SLC16A8: variants seen among roughly 807,000 people sequenced by gnomAD.
SLC16A8 encodes solute carrier family 16 member 8, also known as monocarboxylate transporter 3.
SLC16A8 carries 20 observed loss-of-function variants against 22.4 expected under a neutral mutation model. That is an observed-to-expected ratio of 0.89 (90% confidence interval 0.63 to 1.30). The LOEUF (loss-of-function observed/expected upper bound fraction) is 1.30. Among genes scored for constraint, SLC16A8 ranks in the 50% most tolerant of loss-of-function variants. SLC16A8 has a pLI of 0.00. For missense variants in SLC16A8, 817 were observed against 740.3 expected (o/e 1.10, Z -1.20); for synonymous variants, 393 against 358.8 (o/e 1.10, Z -1.08).
At position 38,084,178 on chromosome 22, in the gene SLC16A8, AGT is replaced by A. The variant is rs2085966446; in HGVS notation, c.-521_-520del. 6.6e-6 allele frequency: 1 copy of A among 152,184 alleles called. No homozygotes were observed. Among genetic ancestry groups the A allele is most frequent in the African/African-American group, 2.4e-5 (1 of 41,390 alleles). The allele number at this position is 152,184 out of a possible 1,614,324, so 9.4% of individuals were successfully genotyped here. Reference sequence around the variant, plus strand: ...TCCCTGCCCCAGGCCTGGAGCTTAGAGTGTGTGCCCCCACCACACCTCACCCC... The same window carrying A: ...TCCCTGCCCCAGGCCTGGAGCTTAGAGTGTGCCCCCACCACACCTCACCCC... On this transcript the variant is annotated 5_prime_UTR_variant, in exon 1 of 6. Transcript: ENST00000681075.
chr22:38,080,965 C>T lies in SLC16A8; in HGVS notation c.1073G>A (p.Gly358Asp). The stretch of plus-strand genomic sequence containing the variant: ...CTCGAACTGCAGCGCGCCCACCATG[C>T]CGTAGGAGAGGCCGAAGGCGACGCA... ...AFCVAFGLSY[G>D]MVGALQFEVL... is the part of the protein sequence containing the mutation. Residue 358 changes from glycine (G) to aspartate (D), a missense_variant, in exon 5 of 6, where the codon GGC (glycine) becomes GAC (aspartate). Physicochemically the swap from Gly to Asp is moderately conservative, Grantham distance 94. Coordinates refer to ENST00000681075, the MANE Select transcript of SLC16A8 (RefSeq NM_013356.3). The T allele has an allele frequency of 1.3e-6, 2 of 1,595,936 alleles. No homozygotes were observed. Among genetic ancestry groups the T allele is most frequent in the Non-Finnish European group, 1.7e-6 (2 of 1,176,470 alleles).
In SLC16A8 at chr22:38,078,623, A is replaced by T; in HGVS notation, c.1280T>A (p.Met427Lys). The change falls in exon 6 of 6, where the codon ATG becomes AAG. Residue 427 changes from methionine to lysine, a missense_variant. Physicochemically the swap from Met to Lys is moderately conservative, Grantham distance 95 (BLOSUM62 -1). Transcript: ENST00000681075. ...GSEVALAGVF[M>K]AVATNCCLRC... Reference sequence around the variant, plus strand: ...CAGGCAGCAGTTGGTGGCGACAGCCATGAAGACCCCAGCCAGGGCCACCTC... The same window carrying T: ...CAGGCAGCAGTTGGTGGCGACAGCCTTGAAGACCCCAGCCAGGGCCACCTC... 2 of 1,614,052 alleles carry T rather than the reference A, an allele frequency of 1.2e-6. No individual in the cohort carries two copies. The highest frequency in any genetic ancestry group is 1.7e-6 in the Non-Finnish European group (2 of 1,179,920).
rs986896983 is a variant in SLC16A8, at chr22:38,081,239, G to C, written c.799C>G (p.Leu267Val). ...AVTKFLMALG[L>V]FVPAILLVNY... ...ACCAGCAGGATGGCGGGGACGAAGAGCCCGAGCGCCATCAGGAACTTGGTG... is the reference window on the plus strand; with the variant it reads ...ACCAGCAGGATGGCGGGGACGAAGACCCCGAGCGCCATCAGGAACTTGGTG... The change falls in exon 5 of 6, where the codon CTC becomes GTC. Residue 267 changes from leucine (L) to valine (V), a missense_variant. Leu to Val is a conservative substitution (Grantham distance 32). Transcript: ENST00000681075. 5 of 1,582,930 alleles carry C rather than the reference G, an allele frequency of 3.2e-6. No individual in the cohort carries two copies. Among genetic ancestry groups the C allele is most frequent in the Admixed American group, 1.8e-5 (1 of 56,544 alleles).
rs1256027044 is a variant in SLC16A8 at position 38,081,620 on chromosome 22, G to T, written c.418C>A (p.Arg140=). ...SLIMLGLYFE[R]RRPLANGLAA... ...AGCCCGTTGGCCAGAGGCCGCCGCCGCTCGAAGTACAGCCCCAGCATGATG... is the reference window on the plus strand; with the variant it reads ...AGCCCGTTGGCCAGAGGCCGCCGCCTCTCGAAGTACAGCCCCAGCATGATG... The change falls in exon 5 of 6, where the codon CGG becomes AGG. Residue 140 remains arginine, a synonymous_variant. Coordinates refer to ENST00000681075, the MANE Select transcript of SLC16A8 (RefSeq NM_013356.3). 2.0e-6 allele frequency: 3 copies of T among 1,521,506 alleles called. No individual in the cohort carries two copies. Among genetic ancestry groups the T allele is most frequent in the Non-Finnish European group, 2.6e-6 (3 of 1,140,760 alleles). 94.3% of individuals were successfully genotyped at this position (1,521,506 alleles called of 1,614,324 possible).
chr22:38,082,742 G>A lies in SLC16A8; in HGVS notation c.132C>T (p.Arg44=), dbSNP rs764147290. The part of the protein sequence containing the change: ...GFPKAVSVFF[R]ALMRDFDAGY... ...CGGCGTCGAAGTCGCGCATGAGCGC[G>A]CGGAAGAAGACGCTCACGGCTTTGG... Residue 44 remains arginine, a synonymous_variant, in exon 3 of 6, where the codon CGC becomes CGT. Coordinates refer to ENST00000681075, the MANE Select transcript of SLC16A8 (RefSeq NM_013356.3). 2 of 1,592,776 alleles carry A rather than the reference G, an allele frequency of 1.3e-6. No homozygotes were observed. The highest frequency in any genetic ancestry group is 2.3e-5 in the South Asian group (2 of 88,542).
In SLC16A8 at chr22:38,078,455, C is replaced by T. The variant is rs763344401; in HGVS notation, c.1448G>A (p.Ser483Asn). The T allele has an allele frequency of 1.2e-6, 2 of 1,612,272 alleles. No individual in the cohort carries two copies. Among genetic ancestry groups the T allele is most frequent in the Non-Finnish European group, 1.7e-6 (2 of 1,180,000 alleles). ...TGGTTCTGTGGGCTCGCCCCGGGCGCTGAGCACCTCCAGGGCCTCCAGGTT... is the reference window on the plus strand; with the variant it reads ...TGGTTCTGTGGGCTCGCCCCGGGCGTTGAGCACCTCCAGGGCCTCCAGGTT... The part of the protein sequence containing the change: ...PGNLEALEVL[S>N]ARGEPTEPEI... Residue 483 changes from serine (S) to asparagine (N), a missense_variant, in exon 6 of 6, where the codon AGC (serine) becomes AAC (asparagine). Transcript: ENST00000681075.
rs749601602 is a variant in SLC16A8 at position 38,082,007 on chromosome 22, G to T, written c.240C>A (p.Thr80=). The change falls in exon 4 of 6, where the codon ACC becomes ACA. Residue 80 remains threonine, a synonymous_variant. Coordinates refer to ENST00000681075, the MANE Select transcript of SLC16A8 (RefSeq NM_013356.3). The stretch of plus-strand genomic sequence containing the variant: ...GCATCACCGGGCGACAGCCAAAGCG[G>T]GTCACGAGGATGCTGGACACGGGGC... ...GTGPVSSILV[T]RFGCRPVMLA... 6.3e-7 allele frequency: 1 copy of T among 1,579,154 alleles called. No homozygotes were observed. The highest frequency in any genetic ancestry group is 2.3e-5 in the East Asian group (1 of 42,908).
At chr22:38,082,068 G>C in intron 3 of SLC16A8, 36 bp from the exon 4 acceptor site, 1 of 1,546,880 alleles carries the variant, frequency 6.5e-7, no homozygotes, top group Non-Finnish European at 8.7e-7. Flanking sequence ...CGGGTCCCGG[G>C]ATGGCTTGAG....
rs2085942274 is a variant in SLC16A8 at position 38,082,891 on chromosome 22, G to A, written c.-8-10C>T. The A allele has an allele frequency of 1.4e-6, 2 of 1,463,968 alleles. No individual in the cohort carries two copies. The highest frequency in any genetic ancestry group is 1.2e-5 in the South Asian group (1 of 82,264). The allele number at this position is 1,463,968 out of a possible 1,614,324, so 90.7% of individuals were successfully genotyped here. A position where few individuals can be genotyped will look rare whatever the true frequency, so the allele number is the denominator to read the frequency against. On this transcript the variant is annotated splice_polypyrimidine_tract_variant and intron_variant, in intron 2 of 5. Transcript: ENST00000681075. ...GCGCCCATCGCTGCCTCTGTTGGGA[G>A]GGGGCGGGGACAAGAGGGAGGGGCT... is the stretch of plus-strand genomic sequence containing the variant.
At chr22:38,079,431 ATTCTT>A (rs1194701296) in intron 5 of SLC16A8, among the ~76,000 whole-genome samples, 2 of 151,862 alleles carry the variant, frequency 1.3e-5, no homozygotes, top group East Asian at 3.9e-4. Flanking sequence ...GAATTTTCTT[ATTCTT>A]TTGAGACAGG....
rs983325337 is a variant in SLC16A8 at position 38,078,534 on chromosome 22, C to T, written c.1369G>A (p.Ala457Thr). The change falls in exon 6 of 6, where the codon GCT becomes ACT. Residue 457 changes from alanine to threonine, a missense_variant. By Grantham distance (58) the Ala-to-Thr change is moderately conservative. Coordinates refer to ENST00000681075, the MANE Select transcript of SLC16A8 (RefSeq NM_013356.3). Reference sequence around the variant, plus strand: ...GGCTCAGAGTCCCCTTCAGCCTCAGCGTCCTCAGTGTCACTGGCTCCGCCC... The same window carrying T: ...GGCTCAGAGTCCCCTTCAGCCTCAGTGTCCTCAGTGTCACTGGCTCCGCCC... The part of the protein sequence containing the change: ...TEGGASDTED[A>T]EAEGDSEPLP... The T allele has an allele frequency of 1.2e-6, 2 of 1,614,082 alleles. No individual in the cohort carries two copies. Among genetic ancestry groups the T allele is most frequent in the African/African-American group, 1.3e-5 (1 of 74,946 alleles).
rs1273182585 is a variant in SLC16A8 at position 38,084,014 on chromosome 22, T to A, written c.-355A>T. 1 of 152,066 alleles carries A rather than the reference T, an allele frequency of 6.6e-6. No homozygotes were observed. Among genetic ancestry groups the A allele is most frequent in the Non-Finnish European group, 1.5e-5 (1 of 68,082 alleles). The allele number at this position is 152,066 out of a possible 1,614,324, so 9.4% of individuals were successfully genotyped here. On this transcript the variant is annotated 5_prime_UTR_variant, in exon 1 of 6. Coordinates refer to ENST00000681075, the MANE Select transcript of SLC16A8 (RefSeq NM_013356.3). ...TGAGCCTGCCTCGTGGGTTTGGGGG[T>A]CCAGCCTCACATCTCCTGAGGCCTG...
rs758288019 is a variant in SLC16A8, at chr22:38,078,494, G to C, written c.1409C>G (p.Ala470Gly). 1 of 1,614,112 alleles carries C rather than the reference G, an allele frequency of 6.2e-7. No homozygotes were observed. Among genetic ancestry groups the C allele is most frequent in the Admixed American group, 1.7e-5 (1 of 60,034 alleles). ...GGCCTCCAGGTTGCCGGGTTCCTCT[G>C]CAACAACAGGCAGGGGCTCAGAGTC... ...EGDSEPLPVV[A>G]EEPGNLEALE... The change falls in exon 6 of 6, where the codon GCA (alanine) becomes GGA (glycine). Residue 470 changes from alanine (A) to glycine (G), a missense_variant. Transcript: ENST00000681075.
chr22:38,081,731 C>T, intron 4 of SLC16A8, 52 bp from the exon 5 acceptor site: 1 of 1,461,340 alleles, frequency 6.8e-7, no homozygotes. Flanking sequence ...CCTCCCTGGC[C>T]CCCACAGGAG....
chr22:38,082,955 G>T, intron 2 of SLC16A8, 74 bp from the exon 3 acceptor site: 1 of 991,102 alleles, frequency 1.0e-6, no homozygotes, highest in Non-Finnish European at 1.5e-6. Context: ...TGGAGACGAA[G>T]CATGGGGAAA....
Position 38,082,866 on chromosome 22 carries a change from G to T in SLC16A8, c.8C>A (p.Ala3Asp). MG[A>D]GGPRRGEGPP... ...GCCCTCGCCCCGCCGGGGGCCGCCA[G>T]CGCCCATCGCTGCCTCTGTTGGGAG... The change falls in exon 3 of 6, where the codon GCT (alanine) becomes GAT (aspartate). Residue 3 changes from alanine (A) to aspartate (D), a missense_variant. Physicochemically the swap from Ala to Asp is moderately radical, Grantham distance 126. Coordinates refer to ENST00000681075, the MANE Select transcript of SLC16A8 (RefSeq NM_013356.3). 6.5e-7 allele frequency: 1 copy of T among 1,541,486 alleles called. No individual in the cohort carries two copies. The highest frequency in any genetic ancestry group is 8.7e-7 in the Non-Finnish European group (1 of 1,147,844).
At position 38,083,072 on chromosome 22, in the gene SLC16A8, G is replaced by C; in HGVS notation, c.-39C>G. On this transcript the variant is annotated 5_prime_UTR_variant, in exon 2 of 6. Coordinates refer to ENST00000681075, the MANE Select transcript of SLC16A8 (RefSeq NM_013356.3). ...GTCTCCTTCTCCTGCAAAGGGCGCT[G>C]AAGGACGAGGGGAGGACGACGGGTC... is the stretch of plus-strand genomic sequence containing the variant. 1 of 587,480 alleles carries C rather than the reference G, an allele frequency of 1.7e-6. No homozygotes were observed. The highest frequency in any genetic ancestry group is 3.0e-6 in the Non-Finnish European group (1 of 329,172). 36.4% of individuals were successfully genotyped at this position (587,480 alleles called of 1,614,324 possible).
At chr22:38,079,357 T>TCCTCC (rs1303956673) in intron 5 of SLC16A8, among the ~76,000 whole-genome samples, 4 of 152,124 alleles carry the variant, frequency 2.6e-5, no homozygotes, top group East Asian at 3.9e-4. Context: ...GCTCAAGGGA[T>TCCTCC]CCTCCCGACT....
intron 5 of SLC16A8, among the ~76,000 whole-genome samples, chr22:38,079,302 G>T (rs772028644): frequency 8.3e-4 from 127 of 152,140 alleles, no homozygotes; most frequent in Non-Finnish European, 1.3e-3. Context: ...TTTTTTTTAG[G>T]GATGGGGTCT....
Sources: allele counts gnomAD v4.1 joint callset (sites outside exome capture counted in the v4.1 genomes callset), GRCh38; gene constraint gnomAD v4.1.1; transcripts MANE v1.5; gene names NCBI Gene and HGNC (gene_info 2026-07-23, HGNC 2026-07-21).